The following LIN7A variants were observed in gnomAD, a reference collection of about 807,000 sequenced individuals.
LIN7A encodes the protein protein lin-7 homolog A.
Under a neutral mutation model 29.8 loss-of-function variants are expected in LIN7A, and 25 were observed. The observed-to-expected ratio is 0.84, with a 90% CI of 0.61 to 1.17. The LOEUF is 1.17. Ranked by LOEUF, LIN7A falls within the 50% of genes most tolerant of loss-of-function variation. The pLI is 0.00. For synonymous variants in LIN7A, 118 were observed against 107.5 expected, an observed-to-expected ratio of 1.10 and a Z score of -0.60; for missense variants, 239 against 287.0, an observed-to-expected ratio of 0.83 and a Z score of 1.21.
At chr12:80,929,369 AGG>A (rs1048500641) in intron 1 of LIN7A, among the ~76,000 whole-genome samples, 1 of 152,176 alleles carries the variant, frequency 6.6e-6, no homozygotes, top group African/African-American at 2.4e-5. Context: ...GAATATTGGT[AGG>A]GTTGGCCAAA....
At chr12:80,922,882 T>C (rs1479887966) in intron 1 of LIN7A, among the ~76,000 whole-genome samples, 1 of 152,154 alleles carries the variant, frequency 6.6e-6, no homozygotes, top group East Asian at 1.9e-4. Flanking sequence ...CCCATTACTG[T>C]ATAAGAAAAA....
Position 80,922,521 on chromosome 12 carries a change from C to T in LIN7A, c.82+15120G>A, listed in dbSNP as rs1392243794. The stretch of plus-strand genomic sequence containing the variant: ...TGTATTACAGGCCACTGAAAGGTAA[C>T]CTGAATGTCACAGTCATGATCTCTT... On this transcript the variant is annotated intron_variant, in intron 1 of 5. Transcript: ENST00000552864. 5.9e-5 allele frequency among the ~76,000 whole-genome samples: 9 copies of T among 152,234 alleles called. 1 individual carries two copies. In the South Asian group the frequency reaches 1.9e-3, roughly 32 times the overall value.
chr12:80,819,392 T>C (rs1207589789), intron 4 of LIN7A, among the ~76,000 whole-genome samples: 2 of 152,212 alleles, frequency 1.3e-5, no homozygotes, highest in Non-Finnish European at 2.9e-5. Context: ...TGGAAAAATA[T>C]GCTAATGATC....
intron 2 of LIN7A, among the ~76,000 whole-genome samples, chr12:80,869,573 G>GAGACCTCAGA (rs1454044319): frequency 6.6e-6 from 1 of 152,014 alleles, no homozygotes; most frequent in African/African-American, 2.4e-5. Flanking sequence ...CACACCTCAG[G>GAGACCTCAGA]AGACCTCAGA....
intron 4 of LIN7A, among the ~76,000 whole-genome samples, chr12:80,813,049 T>G (rs548351710): frequency 6.6e-6 from 1 of 152,150 alleles, no homozygotes; most frequent in African/African-American, 2.4e-5. Context: ...CTTGCTCTGT[T>G]GCCCAGGCTA....
intron 4 of LIN7A, among the ~76,000 whole-genome samples, chr12:80,841,308 A>G (rs1485047317): frequency 1.3e-5 from 2 of 150,364 alleles, no homozygotes; most frequent in Admixed American, 6.7e-5. Flanking sequence ...AAGAAAAAAG[A>G]AAAGAAAAGA....
chr12:80,848,472 C>T, intron 2 of LIN7A, 150 bp from the exon 3 acceptor site: 2 of 610,604 alleles, frequency 3.3e-6, no homozygotes, highest in East Asian at 2.8e-5. Flanking sequence ...TACCTGATAG[C>T]ACTCCTTAAA....
At position 80,889,253 on chromosome 12, in the gene LIN7A, C is replaced by G; in HGVS notation, c.199G>C (p.Glu67Gln). 6.3e-7 allele frequency: 1 copy of G among 1,576,042 alleles called. No homozygotes were observed. The highest frequency in any genetic ancestry group is 8.7e-7 in the Non-Finnish European group (1 of 1,145,738). ...LQSEFCTAIR[E>Q]VYQYMHETIT... Reference sequence around the variant, plus strand: ...TTATTAAAATTTTAGTGCCATACCTCTCGAATAGCTGTACAAAACTCACTC... The same window carrying G: ...TTATTAAAATTTTAGTGCCATACCTGTCGAATAGCTGTACAAAACTCACTC... The change falls in exon 2 of 6, where the codon GAG (glutamate) becomes CAG (glutamine). Residue 67 changes from glutamate (E) to glutamine (Q), a missense_variant and splice_region_variant. Physicochemically the swap from Glu to Gln is conservative, Grantham distance 29 (BLOSUM62 2). Coordinates refer to ENST00000552864, the MANE Select transcript of LIN7A (RefSeq NM_004664.4).
chr12:80,930,556 A>AG (rs1877845648), intron 1 of LIN7A, among the ~76,000 whole-genome samples: 1 of 152,178 alleles, frequency 6.6e-6, no homozygotes, highest in African/African-American at 2.4e-5. Context: ...ATGTGTGTGG[A>AG]GGGGGGCAAT....
chr12:80,827,065 G>T (rs1159224533), intron 4 of LIN7A, among the ~76,000 whole-genome samples: 1 of 152,058 alleles, frequency 6.6e-6, no homozygotes, highest in African/African-American at 2.4e-5. Flanking sequence ...GAGCCTCTCA[G>T]TTCCCATATA....
At chr12:80,846,276 C>T (rs1298930398) in intron 3 of LIN7A, among the ~76,000 whole-genome samples, 3 of 152,126 alleles carry the variant, frequency 2.0e-5, no homozygotes, top group Non-Finnish European at 2.9e-5. Context: ...GTACTATCTA[C>T]TATTATAATT....
intron 2 of LIN7A, among the ~76,000 whole-genome samples, chr12:80,850,771 A>G (rs1873291810): frequency 6.6e-6 from 1 of 152,210 alleles, no homozygotes; most frequent in Non-Finnish European, 1.5e-5. Flanking sequence ...TAAGCTGTAA[A>G]AACAGACTTG....
At chr12:80,809,501 A>G (rs1473094197) in intron 5 of LIN7A, among the ~76,000 whole-genome samples, 2 of 152,264 alleles carry the variant, frequency 1.3e-5, no homozygotes, top group African/African-American at 2.4e-5. Flanking sequence ...GAAAATTTAT[A>G]TAACTCCAGA....
At chr12:80,937,464 C>T (rs1227582724) in intron 1 of LIN7A, 177 bp downstream of exon 1, 2 of 416,876 alleles carry the variant, frequency 4.8e-6, no homozygotes, top group East Asian at 3.6e-5. Flanking sequence ...GGGAACGTAG[C>T]GGGGAGAGAA....
At chr12:80,935,968 A>G (rs562449215) in intron 1 of LIN7A, 2 of 222,732 alleles carry the variant, frequency 9.0e-6, no homozygotes, top group African/African-American at 2.2e-5. Flanking sequence ...AAAATGACCC[A>G]GGTATGCAAT....
At position 80,793,744 on chromosome 12, in the gene LIN7A, G is replaced by A. The variant is rs1870316010; in HGVS notation, c.*3983C>T. On this transcript the variant is annotated 3_prime_UTR_variant, in exon 6 of 6. Transcript: ENST00000552864. Reference sequence around the variant, plus strand: ...CTTTTGAAAATAGGAAGAGATTTAGGGATGGTGTCTCCAATTATTATGAAT... The same window carrying A: ...CTTTTGAAAATAGGAAGAGATTTAGAGATGGTGTCTCCAATTATTATGAAT... The A allele has an allele frequency of 6.6e-6, 1 of 152,070 alleles. No homozygotes were observed. Among genetic ancestry groups the A allele is most frequent in the Non-Finnish European group, 1.5e-5 (1 of 67,998 alleles). 9.4% of individuals were successfully genotyped at this position (152,070 alleles called of 1,614,324 possible).
chr12:80,854,985 T>C (rs1360514274), intron 2 of LIN7A, among the ~76,000 whole-genome samples: 1 of 152,154 alleles, frequency 6.6e-6, no homozygotes, highest in African/African-American at 2.4e-5. Context: ...ACAGTAGATA[T>C]ATTTAATGGA....
intron 5 of LIN7A, among the ~76,000 whole-genome samples, chr12:80,804,501 A>G (rs1487611738): frequency 6.6e-6 from 1 of 150,614 alleles, no homozygotes; most frequent in African/African-American, 2.4e-5. Context: ...GGCTTATTTC[A>G]CTGAAAATAA....
At chr12:80,863,850 G>A (rs1231933848) in intron 2 of LIN7A, among the ~76,000 whole-genome samples, 1 of 151,916 alleles carries the variant, frequency 6.6e-6, no homozygotes, top group African/African-American at 2.4e-5. Flanking sequence ...CATATAAGCT[G>A]GAAACTCTTT....
Sources: gnomAD v4.1 joint callset for allele counts (sites outside exome capture counted in the v4.1 genomes callset) on GRCh38, gnomAD v4.1.1 for gene constraint, MANE v1.5 for transcripts, NCBI Gene and HGNC (gene_info 2026-07-23, HGNC 2026-07-21) for gene names.